ANGEL2: variants seen among roughly 807,000 people sequenced by gnomAD.
ANGEL2 encodes the protein angel homolog 2, also known as RNA 2',3'-cyclic phosphatase ANGEL2.
In ANGEL2, 41 loss-of-function variants were observed where a neutral mutation model predicts 66.0. That is an observed-to-expected ratio of 0.62 (90% CI 0.48 to 0.81). The LOEUF (loss-of-function observed/expected upper bound fraction) is 0.81, where lower values mean the gene tolerates loss of function less well. ANGEL2 is among the 30% of genes least tolerant of loss of function. The probability of loss-of-function intolerance (pLI) is 0.00; values close to 1 mark genes in which losing one functional copy is unlikely to be tolerated. For missense variants in ANGEL2, 561 were observed against 641.6 expected (o/e 0.87, Z 1.36); for synonymous variants, 208 against 226.5 (o/e 0.92, Z 0.73).
At position 213,008,456 on chromosome 1, in the gene ANGEL2, C is replaced by A. The variant is rs770543956; in HGVS notation, c.396G>T (p.Lys132Asn). 1.2e-6 allele frequency: 2 copies of A among 1,612,752 alleles called. No homozygotes were observed. The highest frequency in any genetic ancestry group is 1.7e-5 in the Admixed American group (1 of 59,846). ...GGCTACATATATATTCCCAATTCCG[C>A]TTTATCACACCTGTTAAAATATATT... ...SKRRKHQGVI[K>N]RNWEYICSHD... The change falls in exon 3 of 9, where the codon AAG (lysine) becomes AAT (asparagine). Residue 132 changes from lysine to asparagine, a missense_variant. Physicochemically the swap from Lys to Asn is moderately conservative, Grantham distance 94. Coordinates refer to ENST00000366962, the MANE Select transcript of ANGEL2 (RefSeq NM_144567.5).
intron 8 of ANGEL2, 49 bp from the exon 9 acceptor site, chr1:212,995,241 T>C (rs752141016): frequency 6.6e-7 from 1 of 1,525,022 alleles, no homozygotes; most frequent in Non-Finnish European, 8.9e-7. Flanking sequence ...CAACGGGTTA[T>C]TGTAAATTAA....
At chr1:212,998,227 C>CA (rs1553282338) in intron 7 of ANGEL2, among the ~76,000 whole-genome samples, 5,382 of 103,278 alleles carry the variant, frequency 0.052, 273 homozygotes, top group African/African-American at 0.16. Context: ...CTCATCTCTA[C>CA]AAAAAAAAAA....
At chr1:212,996,557 G>A (rs2148130544) in intron 8 of ANGEL2, among the ~76,000 whole-genome samples, 1 of 142,974 alleles carries the variant, frequency 7.0e-6, no homozygotes, top group African/African-American at 2.6e-5. Context: ...GGGAGACAGA[G>A]GTTGCAGTAA....
chr1:213,008,048 G>T (rs1250248682), intron 3 of ANGEL2, among the ~76,000 whole-genome samples, 162 bp downstream of exon 3: 2 of 151,888 alleles, frequency 1.3e-5, no homozygotes, highest in Non-Finnish European at 2.9e-5. Flanking sequence ...TGTTTTAGTA[G>T]AGACGGGGTT....
intron 5 of ANGEL2, among the ~76,000 whole-genome samples, 155 bp downstream of exon 5, chr1:213,004,865 CAAAAAAAAAAAAA>C (rs60445711): frequency 5.7e-5 from 2 of 35,242 alleles, no homozygotes; most frequent in Admixed American, 7.8e-4. Context: ...GAGACTGTCT[CAAAAAAAAAAAAA>C]AAAAAAAAAA....
At position 212,994,993 on chromosome 1, in the gene ANGEL2, G is replaced by C. The variant is rs1042198330; in HGVS notation, c.*48C>G. On this transcript the variant is annotated 3_prime_UTR_variant, in exon 9 of 9. Coordinates refer to ENST00000366962, the MANE Select transcript of ANGEL2 (RefSeq NM_144567.5). The stretch of plus-strand genomic sequence containing the variant: ...TACACTTAAGAACTTTACATTCTTT[G>C]AAAAACAATACAAATTGGAAAGAAA... 1 of 1,537,618 alleles carries C rather than the reference G, an allele frequency of 6.5e-7. No individual in the cohort carries two copies. The highest frequency in any genetic ancestry group is 8.8e-7 in the Non-Finnish European group (1 of 1,139,636).
In ANGEL2 at chr1:213,000,436, A is replaced by G. The variant is rs534117412; in HGVS notation, c.1262-53T>C. 8.3e-5 allele frequency: 120 copies of G among 1,452,124 alleles called. 1 individual carries two copies. In the Admixed American group the frequency reaches 1.6e-3, roughly 20 times the overall value. The allele number at this position is 1,452,124 out of a possible 1,614,324, so 90.0% of individuals were successfully genotyped here. Reference sequence around the variant, plus strand: ...TGTTATTGTTCTAGTTTGCCTTAATATCGTCATCTTACTCTAGAAACAATA... The same window carrying G: ...TGTTATTGTTCTAGTTTGCCTTAATGTCGTCATCTTACTCTAGAAACAATA... On this transcript the variant is annotated intron_variant, in intron 6 of 8. Transcript: ENST00000366962.
chr1:213,007,347 T>C, intron 3 of ANGEL2, 149 bp from the exon 4 acceptor site: 2 of 645,256 alleles, frequency 3.1e-6, no homozygotes, highest in South Asian at 2.8e-5. Context: ...TTTCTTGTTA[T>C]AGATCTACCA....
In ANGEL2 at chr1:212,993,341, GAAATT is replaced by G. The variant is rs1352238258; in HGVS notation, c.*1695_*1699del. On this transcript the variant is annotated 3_prime_UTR_variant, in exon 9 of 9. Transcript: ENST00000366962. Reference sequence around the variant, plus strand: ...AAAAAATAAAAACCCCCCAAAATGAGAAATTAAATATTTAAACATATTCAATTACA... The same window carrying G: ...AAAAAATAAAAACCCCCCAAAATGAGAAATATTTAAACATATTCAATTACA... The G allele has an allele frequency of 3.9e-5, 6 of 151,996 alleles. No homozygotes were observed. Among genetic ancestry groups the G allele is most frequent in the Admixed American group, 3.9e-4 (6 of 15,216 alleles). The allele number at this position is 151,996 out of a possible 1,614,324, so 9.4% of individuals were successfully genotyped here. A position where few individuals can be genotyped will look rare whatever the true frequency, so the allele number is the denominator to read the frequency against.
chr1:213,012,961 A>T lies in ANGEL2; in HGVS notation c.385+132T>A. On this transcript the variant is annotated intron_variant, in intron 2 of 8. Transcript: ENST00000366962. Reference sequence around the variant, plus strand: ...AAGGAAGAATTCATTTTTTTCTAACATAAAACTACTGGCTAAAAGTCAACA... The same window carrying T: ...AAGGAAGAATTCATTTTTTTCTAACTTAAAACTACTGGCTAAAAGTCAACA... 3 of 848,008 alleles carry T rather than the reference A, an allele frequency of 3.5e-6. 1 individual carries two copies. Among genetic ancestry groups the T allele is most frequent in the South Asian group, 3.9e-5 (2 of 50,650 alleles). 52.5% of individuals were successfully genotyped at this position (848,008 alleles called of 1,614,324 possible). A position where few individuals can be genotyped will look rare whatever the true frequency, so the allele number is the denominator to read the frequency against.
intron 7 of ANGEL2, 103 bp downstream of exon 7, chr1:213,000,223 G>T: frequency 9.0e-7 from 1 of 1,112,940 alleles, no homozygotes; most frequent in Non-Finnish European, 1.3e-6. Flanking sequence ...TCACCAGCAC[G>T]GAATACTATC....
At chr1:213,002,973 T>G (rs186429182) in intron 5 of ANGEL2, among the ~76,000 whole-genome samples, 38 of 152,228 alleles carry the variant, frequency 2.5e-4, no homozygotes, top group Non-Finnish European at 8.8e-5. Context: ...TCAATGATCT[T>G]AGCTAGATCT....
At chr1:212,995,864 CA>C (rs1558165469) in intron 8 of ANGEL2, among the ~76,000 whole-genome samples, 1 of 151,056 alleles carries the variant, frequency 6.6e-6, no homozygotes, top group South Asian at 2.1e-4. Flanking sequence ...AAGAAGCATC[CA>C]AAAAAATGGA....
At position 213,013,364 on chromosome 1, in the gene ANGEL2, C is replaced by T. The variant is rs554000633; in HGVS notation, c.114G>A (p.Pro38=). The T allele has an allele frequency of 1.4e-4, 233 of 1,614,108 alleles. 3 individuals are homozygous for T. The South Asian group carries it at 2.4e-3, about 16-fold the overall frequency. ...AGCAACACCTTTGCAGATTCTCCCA[C>T]GGTGTAGTCCAGTCTCTGCCCAGAC... ...SRSLGRDWTT[P]WENLQRCCWN... The change falls in exon 2 of 9, where the codon CCG becomes CCA. Residue 38 remains proline (P), a synonymous_variant. Coordinates refer to ENST00000366962, the MANE Select transcript of ANGEL2 (RefSeq NM_144567.5).
In ANGEL2 at chr1:213,007,206, G is replaced by A; in HGVS notation, c.643-8C>T. On this transcript the variant is annotated splice_region_variant and splice_polypyrimidine_tract_variant and intron_variant, in intron 3 of 8. Coordinates refer to ENST00000366962, the MANE Select transcript of ANGEL2 (RefSeq NM_144567.5). ...TTCTTGCAAACAAAGTACCTTGGAA[G>A]AAAAAAATAGCTTGAATTAGAACAC... 1 of 1,547,886 alleles carries A rather than the reference G, an allele frequency of 6.5e-7. No homozygotes were observed. The highest frequency in any genetic ancestry group is 2.1e-5 in the Admixed American group (1 of 46,536).
chr1:213,004,699 C>T (rs1180728366), intron 5 of ANGEL2, among the ~76,000 whole-genome samples: 1 of 151,678 alleles, frequency 6.6e-6, no homozygotes, highest in African/African-American at 2.4e-5. Context: ...GAAACCCCGT[C>T]TCTACTAAAA....
intron 7 of ANGEL2, among the ~76,000 whole-genome samples, chr1:212,998,568 C>T (rs2076090679): frequency 7.2e-6 from 1 of 139,688 alleles, no homozygotes; most frequent in Admixed American, 7.4e-5. Flanking sequence ...GTCGCCCAGG[C>T]TGGAGTGCAG....
Position 213,000,287 on chromosome 1 carries a change from A to G in ANGEL2, c.1319+39T>C, listed in dbSNP as rs773678598. 1.6e-5 allele frequency: 25 copies of G among 1,554,498 alleles called. 1 individual carries two copies. The South Asian group carries it at 2.4e-4, about 15-fold the overall frequency. On this transcript the variant is annotated intron_variant, in intron 7 of 8. Transcript: ENST00000366962. ...TGAGAAATGAGTTTTTTATTCAACT[A>G]AAGTTAGCAAATGTCTCCTTTTGCT...
Position 213,015,756 on chromosome 1 carries a change from G to C in ANGEL2, c.-85C>G. 1 of 1,587,496 alleles carries C rather than the reference G, an allele frequency of 6.3e-7. No individual in the cohort carries two copies. The highest frequency in any genetic ancestry group is 8.6e-7 in the Non-Finnish European group (1 of 1,158,100). On this transcript the variant is annotated 5_prime_UTR_variant, in exon 1 of 9. Coordinates refer to ENST00000366962, the MANE Select transcript of ANGEL2 (RefSeq NM_144567.5). ...CGATGCGACGGCCTAAAGTATCTAG[G>C]GAACCCCATCACTCTTAAGTACCGA...
Sources: allele counts gnomAD v4.1 joint callset (sites outside exome capture counted in the v4.1 genomes callset), GRCh38; gene constraint gnomAD v4.1.1; transcripts MANE v1.5; gene names NCBI Gene and HGNC (gene_info 2026-07-23, HGNC 2026-07-21).